Variants in FBXL22 observed in about 807,000 individuals in gnomAD.
FBXL22 encodes the protein F-box and leucine-rich protein 22.
A neutral mutation model predicts 11.7 loss-of-function variants in FBXL22; 13 were observed. The ratio of observed to expected loss-of-function variants is 1.11; its 90% CI spans 0.73 to 1.77. The LOEUF (loss-of-function observed/expected upper bound fraction) is 1.77. Among genes scored for constraint, FBXL22 ranks in the 40% most tolerant of loss-of-function variants. The pLI is 0.00. For missense variants in FBXL22, 406 were observed against 320.4 expected (o/e 1.27, Z -2.04); for synonymous variants, 160 against 144.1 (o/e 1.11, Z -0.79).
In FBXL22 at chr15:63,601,240, C is replaced by T. The variant is rs1209635058; in HGVS notation, c.*201C>T. ...CAAGATTAAATGGATATTTGGAAAA[C>T]ACTCGGCTGGTTCTCACTCAACACC... On this transcript the variant is annotated 3_prime_UTR_variant, in exon 2 of 2. Coordinates refer to ENST00000638704, the MANE Select transcript of FBXL22 (RefSeq NM_001367807.1). The T allele has an allele frequency of 1.3e-6, 2 of 1,506,862 alleles. No individual in the cohort carries two copies. Among genetic ancestry groups the T allele is most frequent in the Non-Finnish European group, 1.8e-6 (2 of 1,136,700 alleles). 93.3% of individuals were successfully genotyped at this position (1,506,862 alleles called of 1,614,324 possible). A position where few individuals can be genotyped will look rare whatever the true frequency, so the allele number is the denominator to read the frequency against.
chr15:63,600,213 G>T, intron 1 of FBXL22: 24 of 987,216 alleles, frequency 2.4e-5, no homozygotes, highest in Non-Finnish European at 2.6e-5. Context: ...GTTGGGATGG[G>T]CCTGTCACTA....
At chr15:63,603,207 T>G (rs905684397), downstream of FBXL22, among the ~76,000 whole-genome samples, 2 of 152,146 alleles carry the variant, frequency 1.3e-5, no homozygotes, top group African/African-American at 4.8e-5. Flanking sequence ...TAAAATAATG[T>G]CAATCCGAGG....
chr15:63,602,431 CA>C (rs763749449), downstream of FBXL22: 1 of 151,552 alleles, frequency 6.6e-6, no homozygotes, highest in Non-Finnish European at 1.5e-5. Context: ...AAAAAAAATA[CA>C]AAAAATTAGC....
Position 63,600,771 on chromosome 15 carries a change from GCTGCTGCCCACGCCTGCGCGCA to G in FBXL22, c.433_454del (p.Cys145AlafsTer34), listed in dbSNP as rs1314337325. ...GACGACTGCCTGGCGCGCCTGCTGC[GCTGCTGCCCACGCCTGCGCGCA>G]CTGCGCCTGGAGAACTGCGCGCGCG... On this transcript the variant is annotated frameshift_variant, in exon 2 of 2. Coordinates refer to ENST00000638704, the MANE Select transcript of FBXL22 (RefSeq NM_001367807.1). LOFTEE classifies it high-confidence loss of function. 3 of 1,231,266 alleles carry G rather than the reference GCTGCTGCCCACGCCTGCGCGCA, an allele frequency of 2.4e-6. No individual in the cohort carries two copies. In the African/African-American group the frequency reaches 4.7e-5, roughly 19 times the overall value. The allele number at this position is 1,231,266 out of a possible 1,614,324, so 76.3% of individuals were successfully genotyped here. A position where few individuals can be genotyped will look rare whatever the true frequency, so the allele number is the denominator to read the frequency against.
chr15:63,600,987 C>CCCCGCG lies in FBXL22; in HGVS notation c.652_657dup (p.Pro218_Arg219dup). 1 of 1,191,322 alleles carries CCCCGCG rather than the reference C, an allele frequency of 8.4e-7. No individual in the cohort carries two copies. The highest frequency in any genetic ancestry group is 1.0e-6 in the Non-Finnish European group (1 of 962,382). 73.8% of individuals were successfully genotyped at this position (1,191,322 alleles called of 1,614,324 possible). ...AGCGCCGCCATGCTGCCCGACCAGC[C>CCCCGCG]CCCGCGCCCGCGCGCGCCCGCCGCG... On this transcript the variant is annotated inframe_insertion, in exon 2 of 2. Coordinates refer to ENST00000638704, the MANE Select transcript of FBXL22 (RefSeq NM_001367807.1).
intron 1 of FBXL22, chr15:63,599,841 G>A (rs2067336601): frequency 1.0e-6 from 1 of 985,872 alleles, no homozygotes; most frequent in African/African-American, 1.7e-5. Flanking sequence ...AAGCGGGTTA[G>A]GACTGCCTGT....
In FBXL22 at chr15:63,601,228, A is replaced by G; in HGVS notation, c.*189A>G. On this transcript the variant is annotated 3_prime_UTR_variant, in exon 2 of 2. Coordinates refer to ENST00000638704, the MANE Select transcript of FBXL22 (RefSeq NM_001367807.1). The stretch of plus-strand genomic sequence containing the variant: ...ATAGGATAAACGCAAGATTAAATGG[A>G]TATTTGGAAAACACTCGGCTGGTTC... 6.7e-7 allele frequency: 1 copy of G among 1,497,074 alleles called. No homozygotes were observed. The highest frequency in any genetic ancestry group is 2.4e-5 in the East Asian group (1 of 42,368). 92.7% of individuals were successfully genotyped at this position (1,497,074 alleles called of 1,614,324 possible).
Position 63,601,173 on chromosome 15 carries a change from G to A in FBXL22, c.*134G>A. ...TTCCCCGTCTGCACAGTGGGGATAA[G>A]AAAGCCTACCTCACGTTACGATTTT... On this transcript the variant is annotated 3_prime_UTR_variant, in exon 2 of 2. Transcript: ENST00000638704. 6.9e-7 allele frequency: 1 copy of A among 1,449,830 alleles called. No individual in the cohort carries two copies. Among genetic ancestry groups the A allele is most frequent in the Admixed American group, 2.6e-5 (1 of 38,514 alleles). The allele number at this position is 1,449,830 out of a possible 1,614,324, so 89.8% of individuals were successfully genotyped here.
At chr15:63,600,666 T>C in intron 1 of FBXL22, 31 bp from the exon 2 acceptor site, 1 of 1,231,270 alleles carries the variant, frequency 8.1e-7, no homozygotes, top group East Asian at 3.2e-5. Context: ...AACAAGCCAG[T>C]GAGCCCCGGG....
downstream of FBXL22, among the ~76,000 whole-genome samples, chr15:63,603,922 T>C (rs1316587360): frequency 2.0e-5 from 3 of 152,224 alleles, no homozygotes; most frequent in African/African-American, 7.2e-5. Context: ...GAACGAATTT[T>C]TCTCCCATTA....
chr15:63,599,036 C>T lies in FBXL22; in HGVS notation c.353+1291C>T, dbSNP rs1053397680. The T allele has an allele frequency of 3.0e-5, 20 of 675,422 alleles. No individual in the cohort carries two copies. In the African/African-American group the frequency reaches 3.4e-4, roughly 11 times the overall value. The allele number at this position is 675,422 out of a possible 1,614,324, so 41.8% of individuals were successfully genotyped here. ...CATAAAGAGCAAAGGGCTTTGCTGT[C>T]AGCACTCTGCTGAGCCGCTCAGCTC... On this transcript the variant is annotated intron_variant, in intron 1 of 1. Transcript: ENST00000638704.
chr15:63,601,820 A>G, downstream of FBXL22: 1 of 1,265,314 alleles, frequency 7.9e-7, no homozygotes, highest in Non-Finnish European at 1.0e-6. Context: ...CTCAAACTAA[A>G]CAAAAACAAA....
chr15:63,601,784 G>T, downstream of FBXL22: 2 of 1,374,748 alleles, frequency 1.5e-6, no homozygotes, highest in Non-Finnish European at 9.5e-7. Flanking sequence ...AAGGGAAAAA[G>T]AAATGATTTG....
At position 63,601,187 on chromosome 15, in the gene FBXL22, C is replaced by A. The variant is rs1566929858; in HGVS notation, c.*148C>A. ...AGTGGGGATAAGAAAGCCTACCTCA[C>A]GTTACGATTTTATACATAGGATAAA... On this transcript the variant is annotated 3_prime_UTR_variant, in exon 2 of 2. Transcript: ENST00000638704. 8 of 1,465,284 alleles carry A rather than the reference C, an allele frequency of 5.5e-6. No homozygotes were observed. The highest frequency in any genetic ancestry group is 7.2e-6 in the Non-Finnish European group (8 of 1,116,612). 90.8% of individuals were successfully genotyped at this position (1,465,284 alleles called of 1,614,324 possible). A position where few individuals can be genotyped will look rare whatever the true frequency, so the allele number is the denominator to read the frequency against.
chr15:63,600,471 C>T, intron 1 of FBXL22: 3 of 1,220,754 alleles, frequency 2.5e-6, no homozygotes, highest in Non-Finnish European at 3.1e-6. Flanking sequence ...GGCTACGAGC[C>T]AAGAACCCAC....
chr15:63,605,426 G>A (rs1426820800), downstream of FBXL22, among the ~76,000 whole-genome samples: 1 of 152,238 alleles, frequency 6.6e-6, no homozygotes, highest in Non-Finnish European at 1.5e-5. Flanking sequence ...CTGAGTGCCT[G>A]GCACAACACA....
At chr15:63,600,436 G>A (rs1189487831) in intron 1 of FBXL22, 3 of 1,202,070 alleles carry the variant, frequency 2.5e-6, no homozygotes, top group South Asian at 4.3e-5. Context: ...GGCCGGGGTC[G>A]GGGCTTCCCA....
Position 63,600,725 on chromosome 15 carries a change from T to C in FBXL22, c.382T>C (p.Ser128Pro), listed in dbSNP as rs1056323569. 4 of 1,231,388 alleles carry C rather than the reference T, an allele frequency of 3.2e-6. No homozygotes were observed. Among genetic ancestry groups the C allele is most frequent in the Non-Finnish European group, 4.0e-6 (4 of 987,794 alleles). 76.3% of individuals were successfully genotyped at this position (1,231,388 alleles called of 1,614,324 possible). ...RCPNLASVTLSGCGHVTDDCL... is the reference protein window; with the variant it reads ...RCPNLASVTLPGCGHVTDDCL... ...CCCCAACCTGGCGTCCGTCACGCTC[T>C]CGGGCTGCGGCCACGTTACCGACGA... Residue 128 changes from serine (S) to proline (P), a missense_variant, in exon 2 of 2, where the codon TCG (serine) becomes CCG (proline). By Grantham distance (74) the Ser-to-Pro change is moderately conservative. Transcript: ENST00000638704.
chr15:63,608,124 T>A, the FBXL22 span, among the ~76,000 whole-genome samples: 1 of 152,262 alleles, frequency 6.6e-6, no homozygotes, highest in African/African-American at 2.4e-5. Context: ...CTGGCCTTTC[T>A]GTAACACCTT....
Sources: gnomAD v4.1 joint callset for allele counts (sites outside exome capture counted in the v4.1 genomes callset) on GRCh38, gnomAD v4.1.1 for gene constraint, MANE v1.5 for transcripts, NCBI Gene and HGNC (gene_info 2026-07-23, HGNC 2026-07-21) for gene names.